MED27: variants seen among roughly 807,000 people sequenced by gnomAD.
The protein encoded by MED27 is mediator of RNA polymerase II transcription subunit 27.
Under a neutral mutation model 38.2 loss-of-function variants are expected in MED27, and 30 were observed. That is an observed-to-expected ratio of 0.79 (90% CI 0.59 to 1.07). MED27 has a LOEUF of 1.07. Among genes scored for constraint, MED27 ranks in the 50% least tolerant of loss-of-function variants. The pLI, the probability that MED27 is intolerant of heterozygous loss-of-function variation, is 0.00. For synonymous variants in MED27, 122 were observed against 153.5 expected (o/e 0.79, Z 1.52); for missense variants, 289 against 397.5 (o/e 0.73, Z 2.32).
intron 3 of MED27, among the ~76,000 whole-genome samples, chr9:131,975,196 A>G (rs965272877): frequency 6.6e-6 from 1 of 152,234 alleles, no homozygotes; most frequent in African/African-American, 2.4e-5. Context: ...AGTCTTTTTC[A>G]AAAGGAATGT....
chr9:131,969,998 A>G (rs1474833071), intron 3 of MED27, among the ~76,000 whole-genome samples: 1 of 152,112 alleles, frequency 6.6e-6, no homozygotes, highest in Non-Finnish European at 1.5e-5. Context: ...AGGGAGGTGA[A>G]AGAGGACAAA....
Position 132,051,633 on chromosome 9 carries a change from G to C in MED27, c.348+25809C>G, listed in dbSNP as rs1833468034. Among the ~76,000 whole-genome samples the C allele has an allele frequency of 6.6e-6, 1 of 152,184 alleles. No individual in the cohort carries two copies. Among genetic ancestry groups the C allele is most frequent in the South Asian group, 2.1e-4 (1 of 4,826 alleles). On this transcript the variant is annotated intron_variant, in intron 2 of 7. Coordinates refer to ENST00000292035, the MANE Select transcript of MED27 (RefSeq NM_004269.4). The surrounding 1 kb of genome is among the most constrained non-coding windows in gnomAD (Gnocchi z 4.2). ...GTGTTGTCCAACATAGTGGCCACTG[G>C]CTACAGGAGGCTATTTAAGTTTAAT...
At chr9:132,010,190 T>C (rs1564323292) in intron 3 of MED27, among the ~76,000 whole-genome samples, 1 of 152,362 alleles carries the variant, frequency 6.6e-6, no homozygotes, top group Admixed American at 6.5e-5. Context: ...AGGGTTTTTA[T>C]GGTTTTAGGT....
intron 3 of MED27, among the ~76,000 whole-genome samples, chr9:131,947,470 A>C (rs1830907593): frequency 6.6e-6 from 1 of 152,242 alleles, no homozygotes. Flanking sequence ...AAACATTAGT[A>C]CAAAGATGCA....
rs573766097 is a variant in MED27, at chr9:131,995,699, C to T, written c.479+18638G>A. Among the ~76,000 whole-genome samples, 6 of 152,244 alleles carry T rather than the reference C, an allele frequency of 3.9e-5. No homozygotes were observed. In the South Asian group the frequency reaches 1.2e-3, roughly 32 times the overall value. On this transcript the variant is annotated intron_variant, in intron 3 of 7. Transcript: ENST00000292035. ...AGGAAACCCCTTTCTGTAGTAGGCC[C>T]ATGATCATGGAATTCATTGATCACA...
intron 5 of MED27, among the ~76,000 whole-genome samples, chr9:131,890,704 G>A (rs922330892): frequency 3.3e-5 from 5 of 152,166 alleles, no homozygotes; most frequent in Non-Finnish European, 5.9e-5. Context: ...TCACACGATG[G>A]AGCCTGTGCC....
At chr9:131,865,869 G>T (rs1838728561) in intron 6 of MED27, among the ~76,000 whole-genome samples, 1 of 152,158 alleles carries the variant, frequency 6.6e-6, no homozygotes, top group Non-Finnish European at 1.5e-5. Context: ...AGCATCGGAG[G>T]ATCTGGGGAC....
intron 4 of MED27, among the ~76,000 whole-genome samples, chr9:131,906,317 CT>C (rs763660609): frequency 2.0e-5 from 3 of 152,164 alleles, no homozygotes; most frequent in Non-Finnish European, 4.4e-5. Context: ...GACAACAAAG[CT>C]AACAAGGGGG....
At chr9:131,977,103 C>G (rs1831625528) in intron 3 of MED27, among the ~76,000 whole-genome samples, 1 of 152,194 alleles carries the variant, frequency 6.6e-6, no homozygotes, top group Non-Finnish European at 1.5e-5. Context: ...TCCAGTTAAC[C>G]CTTCAGCCAC....
At chr9:131,926,505 C>T (rs986265957) in intron 4 of MED27, among the ~76,000 whole-genome samples, 1 of 152,232 alleles carries the variant, frequency 6.6e-6, no homozygotes, top group African/African-American at 2.4e-5. Flanking sequence ...CCCCTCTAGC[C>T]GTCCTGGCCT....
At chr9:131,977,477 A>C (rs1348417601) in intron 3 of MED27, among the ~76,000 whole-genome samples, 1 of 152,110 alleles carries the variant, frequency 6.6e-6, no homozygotes, top group African/African-American at 2.4e-5. Context: ...TCGTTAGGGC[A>C]ATCTGATTTG....
At chr9:131,879,031 T>C (rs563133813) in intron 6 of MED27, among the ~76,000 whole-genome samples, 34 of 152,244 alleles carry the variant, frequency 2.2e-4, no homozygotes, top group African/African-American at 7.7e-4. Context: ...AGGGGTCTAA[T>C]GAGGAAGAGT....
chr9:132,048,023 C>T (rs961912083), intron 2 of MED27, among the ~76,000 whole-genome samples: 1 of 152,054 alleles, frequency 6.6e-6, no homozygotes. Context: ...AAGGTCTGAT[C>T]GCAAAAAATT....
At chr9:132,038,279 C>T (rs999331192) in intron 2 of MED27, among the ~76,000 whole-genome samples, 3 of 148,942 alleles carry the variant, frequency 2.0e-5, no homozygotes, top group African/African-American at 7.4e-5. Context: ...GCAAGCTCCG[C>T]CTCCCGGGTT....
intron 3 of MED27, among the ~76,000 whole-genome samples, chr9:132,004,590 T>C (rs933312836): frequency 6.6e-6 from 1 of 152,176 alleles, no homozygotes; most frequent in Non-Finnish European, 1.5e-5. Flanking sequence ...TCGCTGCCAG[T>C]ACCTCTAGAT....
intron 3 of MED27, among the ~76,000 whole-genome samples, chr9:132,009,346 T>C (rs1832432843): frequency 6.6e-6 from 1 of 152,142 alleles, no homozygotes; most frequent in Non-Finnish European, 1.5e-5. Context: ...GAGAGCCTCA[T>C]CCCCTCCCCT....
chr9:132,054,102 T>C (rs1833521469), intron 2 of MED27, among the ~76,000 whole-genome samples: 2 of 152,146 alleles, frequency 1.3e-5, no homozygotes, highest in African/African-American at 4.8e-5. Context: ...CTGATATAGT[T>C]TGGATATTTG....
At chr9:132,017,174 C>G (rs1363657404) in intron 2 of MED27, among the ~76,000 whole-genome samples, 1 of 152,174 alleles carries the variant, frequency 6.6e-6, no homozygotes, top group Admixed American at 6.5e-5. Flanking sequence ...GTTAATAAAA[C>G]TGACAGGCAG....
intron 3 of MED27, among the ~76,000 whole-genome samples, chr9:131,976,252 C>T (rs1038631731): frequency 6.6e-5 from 10 of 152,142 alleles, no homozygotes; most frequent in African/African-American, 2.4e-4. Flanking sequence ...CCCAAGGTCA[C>T]CTGGCTAAAT....
Sources: allele counts gnomAD v4.1 joint callset (sites outside exome capture counted in the v4.1 genomes callset), GRCh38; gene constraint gnomAD v4.1.1; non-coding constraint Gnocchi (gnomAD v3.1); transcripts MANE v1.5; gene names NCBI Gene and HGNC (gene_info 2026-07-23, HGNC 2026-07-21).